Variants in RIN1 observed in about 807,000 individuals in gnomAD.
The protein encoded by RIN1 is Ras and Rab interactor 1.
In RIN1, 52 loss-of-function variants were observed where a neutral mutation model predicts 64.9. That is an observed-to-expected ratio of 0.80 (90% CI 0.64 to 1.01). The LOEUF is 1.01. RIN1 is among the 50% of genes least tolerant of loss of function. The pLI is 0.00. For synonymous variants in RIN1, 486 were observed against 483.6 expected (o/e 1.00, Z -0.06); for missense variants, 1,040 against 1,064.5 (o/e 0.98, Z 0.32).
Position 66,336,014 on chromosome 11 carries a change from C to T in RIN1, c.231G>A (p.Ala77=), listed in dbSNP as rs866239095. ...PVWLQLQANA[A]AALHMLRTEP... ...CGGTCCTCAGCATGTGCAGTGCGGCCGCTGCGTTGGCTTGCAGCTGCAGCC... is the reference window on the plus strand; with the variant it reads ...CGGTCCTCAGCATGTGCAGTGCGGCTGCTGCGTTGGCTTGCAGCTGCAGCC... Residue 77 remains alanine (A), a synonymous_variant, in exon 2 of 10, where the codon GCG becomes GCA. Coordinates refer to ENST00000311320, the MANE Select transcript of RIN1 (RefSeq NM_004292.3). The T allele has an allele frequency of 1.7e-5, 25 of 1,467,934 alleles. No homozygotes were observed. The highest frequency in any genetic ancestry group is 1.1e-4 in the Admixed American group (4 of 37,328). The allele number at this position is 1,467,934 out of a possible 1,614,324, so 90.9% of individuals were successfully genotyped here.
At chr11:66,336,484 G>C, upstream of RIN1, 1 of 1,258,434 alleles carries the variant, frequency 7.9e-7, no homozygotes. Context: ...CACTTCCTGA[G>C]GGCGGTCCGC....
rs199499018 is a variant in RIN1, at chr11:66,334,720, G to A, written c.1079C>T (p.Pro360Leu). The change falls in exon 6 of 10, where the codon CCG becomes CTG. Residue 360 changes from proline (P) to leucine (L), a missense_variant. Pro to Leu is a moderately conservative substitution (Grantham distance 98, BLOSUM62 -3). Coordinates refer to ENST00000311320, the MANE Select transcript of RIN1 (RefSeq NM_004292.3). Reference sequence around the variant, plus strand: ...CGCAGCCCGGCCCACCTGCCGCTCCGGTGCCAGTAGGGAGCAGAAGGCGGC... The same window carrying A: ...CGCAGCCCGGCCCACCTGCCGCTCCAGTGCCAGTAGGGAGCAGAAGGCGGC... ...MSAAFCSLLAPERQVGRAAAA... is the reference protein window; with the variant it reads ...MSAAFCSLLALERQVGRAAAA... The A allele has an allele frequency of 5.4e-4, 835 of 1,549,538 alleles. 4 individuals are homozygous for A. The highest frequency in any genetic ancestry group is 2.2e-3 in the Middle Eastern group (10 of 4,556).
rs1352977611 is a variant in RIN1 at position 66,333,570 on chromosome 11, C to T, written c.1680G>A (p.Glu560=). 2 of 1,613,470 alleles carry T rather than the reference C, an allele frequency of 1.2e-6. No homozygotes were observed. Among genetic ancestry groups the T allele is most frequent in the East Asian group, 2.2e-5 (1 of 44,890 alleles). The change falls in exon 8 of 10, where the codon GAG becomes GAA. Residue 560 remains glutamate, a synonymous_variant. Coordinates refer to ENST00000311320, the MANE Select transcript of RIN1 (RefSeq NM_004292.3). The part of the protein sequence containing the change: ...CDLPELLLEA[E]YMSELLEPSL... The stretch of plus-strand genomic sequence containing the variant: ...TGGGCTCCAGCAGCTCCGACATGTA[C>T]TCGGCCTCCAGCAGCAGCTCAGGAA...
At position 66,332,519 on chromosome 11, in the gene RIN1, C is replaced by T. The variant is rs763897069; in HGVS notation, c.2109G>A (p.Arg703=). The change falls in exon 10 of 10, where the codon CGG becomes CGA. Residue 703 remains arginine (R), a synonymous_variant. Coordinates refer to ENST00000311320, the MANE Select transcript of RIN1 (RefSeq NM_004292.3). Reference sequence around the variant, plus strand: ...CCCCCTGGGTCTCAGGCCACTCCGCCCGGCGGTAGACGAGGTAGCCAGTGG... The same window carrying T: ...CCCCCTGGGTCTCAGGCCACTCCGCTCGGCGGTAGACGAGGTAGCCAGTGG... ...LPTTGYLVYR[R]AEWPETQGAV... 1.2e-6 allele frequency: 2 copies of T among 1,613,802 alleles called. No individual in the cohort carries two copies. Among genetic ancestry groups the T allele is most frequent in the Non-Finnish European group, 1.7e-6 (2 of 1,179,864 alleles).
At chr11:66,335,313 G>A (rs560262745) in intron 5 of RIN1, 62 bp from the exon 6 acceptor site, 3 of 1,555,898 alleles carry the variant, frequency 1.9e-6, no homozygotes, top group Non-Finnish European at 2.6e-6. Context: ...CCCAACCAAG[G>A]CAAGGCAGGG....
chr11:66,334,789 G>A lies in RIN1; in HGVS notation c.1010C>T (p.Ser337Leu), dbSNP rs960406189. Residue 337 changes from serine to leucine, a missense_variant, in exon 6 of 10, where the codon TCA becomes TTA. By Grantham distance (145) the Ser-to-Leu change is moderately radical. Transcript: ENST00000311320. ...VPGSRGSPAT[S>L]PHLGRRRPLL... ...AGGTCGTCGGCGGCCCAGGTGGGGT[G>A]AGGTCGCTGGGCTCCCCCGGGACCC... The A allele has an allele frequency of 1.3e-6, 2 of 1,547,840 alleles. No homozygotes were observed. The highest frequency in any genetic ancestry group is 2.7e-5 in the African/African-American group (2 of 73,152).
chr11:66,335,361 G>T, intron 5 of RIN1, 46 bp downstream of exon 5: 2 of 1,560,212 alleles, frequency 1.3e-6, no homozygotes, highest in East Asian at 2.3e-5. Flanking sequence ...CCTTCCCCTC[G>T]GCCTCAGCTT....
Position 66,332,518 on chromosome 11 carries a change from C to G in RIN1, c.2110G>C (p.Ala704Pro). The change falls in exon 10 of 10, where the codon GCG (alanine) becomes CCG (proline). Residue 704 changes from alanine to proline, a missense_variant. Transcript: ENST00000311320. ...PTTGYLVYRRAEWPETQGAVT... is the reference protein window; with the variant it reads ...PTTGYLVYRRPEWPETQGAVT... Reference sequence around the variant, plus strand: ...GCCCCCTGGGTCTCAGGCCACTCCGCCCGGCGGTAGACGAGGTAGCCAGTG... The same window carrying G: ...GCCCCCTGGGTCTCAGGCCACTCCGGCCGGCGGTAGACGAGGTAGCCAGTG... The G allele has an allele frequency of 6.2e-7, 1 of 1,613,954 alleles. No individual in the cohort carries two copies. Among genetic ancestry groups the G allele is most frequent in the Non-Finnish European group, 8.5e-7 (1 of 1,179,866 alleles).
rs1255677176 is a variant in RIN1, at chr11:66,332,465, C to A, written c.2163G>T (p.Gln721His). ...CCTCCCCTCTGCTTCTTGCCTCTGA[C>A]TGCCCACTGCCCTCCTCCTCTGTCA... is the stretch of plus-strand genomic sequence containing the variant. ...GAVTEEEGSGQSEARSRGEEQ... is the reference protein window; with the variant it reads ...GAVTEEEGSGHSEARSRGEEQ... Residue 721 changes from glutamine to histidine, a missense_variant, in exon 10 of 10, where the codon CAG becomes CAT. Transcript: ENST00000311320. The A allele has an allele frequency of 5.6e-6, 9 of 1,614,224 alleles. No homozygotes were observed. Among genetic ancestry groups the A allele is most frequent in the Non-Finnish European group, 7.6e-6 (9 of 1,180,038 alleles).
In RIN1 at chr11:66,336,297, G is replaced by T; in HGVS notation, c.86+20C>A. 6.3e-7 allele frequency: 1 copy of T among 1,597,646 alleles called. No individual in the cohort carries two copies. The highest frequency in any genetic ancestry group is 8.5e-7 in the Non-Finnish European group (1 of 1,171,598). On this transcript the variant is annotated intron_variant, in intron 1 of 9. Transcript: ENST00000311320. ...CAGCCCCTCCCTGCCCCACCTGGCT[G>T]CCCTGCCAACTTCACTAACTTTTCT...
chr11:66,336,572 T>C, upstream of RIN1: 2 of 632,706 alleles, frequency 3.2e-6, no homozygotes, highest in Middle Eastern at 2.5e-4. Flanking sequence ...GGACCCTGCT[T>C]TGGGGGTCAG....
Position 66,334,992 on chromosome 11 carries a change from C to G in RIN1, c.807G>C (p.Val269=), listed in dbSNP as rs200805687. 1 of 1,550,806 alleles carries G rather than the reference C, an allele frequency of 6.4e-7. No homozygotes were observed. Among genetic ancestry groups the G allele is most frequent in the African/African-American group, 1.4e-5 (1 of 73,112 alleles). Residue 269 remains valine (V), a synonymous_variant, in exon 6 of 10, where the codon GTG becomes GTC. Transcript: ENST00000311320. ...PPAVPPPPVP[V]LPGAVPSQTE... ...TCTGGCTGGGGACTGCCCCTGGCAG[C>G]ACGGGGACGGGGGGAGGTGGCACGG...
rs1487749778 is a variant in RIN1, at chr11:66,335,128, A to C, written c.671T>G (p.Phe224Cys). The change falls in exon 6 of 10, where the codon TTC becomes TGC. Residue 224 changes from phenylalanine (F) to cysteine (C), a missense_variant. By Grantham distance (205) the Phe-to-Cys change is radical (BLOSUM62 -2). Transcript: ENST00000311320. ...LDQGTGAALC[F>C]FNPLFPGDLG... is the part of the protein sequence containing the mutation. ...GTCCCCCGGGAACAGGGGGTTGAAG[A>C]AGCACAAGGCGGCTCCGGTGCCCTG... is the stretch of plus-strand genomic sequence containing the variant. The C allele has an allele frequency of 1.3e-6, 2 of 1,537,752 alleles. No homozygotes were observed. The highest frequency in any genetic ancestry group is 1.4e-5 in the African/African-American group (1 of 71,832).
Position 66,330,608 on chromosome 11 carries a change from A to T in RIN1, c.*1668T>A. 6.6e-6 allele frequency: 1 copy of T among 152,372 alleles called. No individual in the cohort carries two copies. The highest frequency in any genetic ancestry group is 1.5e-5 in the Non-Finnish European group (1 of 68,096). 9.4% of individuals were successfully genotyped at this position (152,372 alleles called of 1,614,324 possible). ...ATGGGGAAACCCCGTCTCTACTAGT[A>T]ACACAAAAATTAGCCAGGTGTGGTG... On this transcript the variant is annotated 3_prime_UTR_variant, in exon 10 of 10. Coordinates refer to ENST00000311320, the MANE Select transcript of RIN1 (RefSeq NM_004292.3).
chr11:66,333,310 C>G lies in RIN1; in HGVS notation c.1823G>C (p.Arg608Pro). Residue 608 changes from arginine to proline, a missense_variant, in exon 9 of 10, where the codon CGC becomes CCC. Arg to Pro is a moderately radical substitution (Grantham distance 103). Coordinates refer to ENST00000311320, the MANE Select transcript of RIN1 (RefSeq NM_004292.3). Reference protein sequence around the residue: ...LPLSPVQELRRSLSLWEQRRL... With the variant: ...LPLSPVQELRPSLSLWEQRRL... The stretch of plus-strand genomic sequence containing the variant: ...GCGCTGCTCCCAGAGGCTGAGGGAG[C>G]GCCGTAGCTCCTGCACGGGGCTCAG... The G allele has an allele frequency of 6.2e-7, 1 of 1,612,582 alleles. No homozygotes were observed. The highest frequency in any genetic ancestry group is 8.5e-7 in the Non-Finnish European group (1 of 1,180,000).
rs775343315 is a variant in RIN1 at position 66,336,049 on chromosome 11, G to T, written c.196C>A (p.Arg66=). 2.7e-6 allele frequency: 4 copies of T among 1,467,798 alleles called. No homozygotes were observed. Among genetic ancestry groups the T allele is most frequent in the Non-Finnish European group, 3.6e-6 (4 of 1,109,252 alleles). The allele number at this position is 1,467,798 out of a possible 1,614,324, so 90.9% of individuals were successfully genotyped here. Residue 66 remains arginine (R), a synonymous_variant, in exon 2 of 10, where the codon CGG becomes AGG. Coordinates refer to ENST00000311320, the MANE Select transcript of RIN1 (RefSeq NM_004292.3). ...VSLRERLLLT[R]PVWLQLQANA... Reference sequence around the variant, plus strand: ...GCTTGCAGCTGCAGCCACACGGGCCGGGTGAGCAGCAGGCGCTCCCGCAGG... The same window carrying T: ...GCTTGCAGCTGCAGCCACACGGGCCTGGTGAGCAGCAGGCGCTCCCGCAGG...
In RIN1 at chr11:66,334,700, C is replaced by A. The variant is rs1052952534; in HGVS notation, c.1099G>T (p.Ala367Ser). The change falls in exon 6 of 10, where the codon GCT becomes TCT. Residue 367 changes from alanine (A) to serine (S), a missense_variant. Transcript: ENST00000311320. ...LLAPERQVGR[A>S]AAALMQDRHT... ...CGGTCCTGCATCAGTGCTGCCGCAG[C>A]CCGGCCCACCTGCCGCTCCGGTGCC... The A allele has an allele frequency of 6.5e-6, 10 of 1,549,822 alleles. No homozygotes were observed. Among genetic ancestry groups the A allele is most frequent in the Non-Finnish European group, 7.8e-6 (9 of 1,148,298 alleles).
intron 2 of RIN1, 28 bp from the exon 3 acceptor site, chr11:66,335,904 C>T (rs764777927): frequency 6.6e-7 from 1 of 1,525,000 alleles, no homozygotes; most frequent in Middle Eastern, 1.8e-4. Context: ...TCAGGCAGCT[C>T]AGGACCTTGG....
chr11:66,330,821 C>T lies in RIN1; in HGVS notation c.*1455G>A, dbSNP rs1427635682. ...AGCCAATGTCCACGATTTCTACCTC[C>T]CAGTTGTCATGTCTGACATTTGGGC... On this transcript the variant is annotated 3_prime_UTR_variant, in exon 10 of 10. Coordinates refer to ENST00000311320, the MANE Select transcript of RIN1 (RefSeq NM_004292.3). 1 of 152,486 alleles carries T rather than the reference C, an allele frequency of 6.6e-6. No individual in the cohort carries two copies. Among genetic ancestry groups the T allele is most frequent in the Non-Finnish European group, 1.5e-5 (1 of 68,236 alleles). 9.4% of individuals were successfully genotyped at this position (152,486 alleles called of 1,614,324 possible). A position where few individuals can be genotyped will look rare whatever the true frequency, so the allele number is the denominator to read the frequency against.
Sources: allele counts gnomAD v4.1 joint callset, GRCh38; gene constraint gnomAD v4.1.1; transcripts MANE v1.5; gene names NCBI Gene and HGNC (gene_info 2026-07-23, HGNC 2026-07-21).